Variants in FOXN3 observed in about 807,000 individuals in gnomAD.
The protein encoded by FOXN3 is forkhead box protein N3.
FOXN3 carries 7 observed loss-of-function variants against 38.4 expected under a neutral mutation model. The ratio of observed to expected loss-of-function variants is 0.18; its 90% CI spans 0.10 to 0.34. The LOEUF is 0.34. Among genes scored for constraint, FOXN3 ranks in the 10% least tolerant of loss-of-function variants. FOXN3 has a pLI of 1.00. For missense variants in FOXN3, 456 were observed against 613.4 expected (o/e 0.74, Z 2.71); for synonymous variants, 230 against 242.2 (o/e 0.95, Z 0.47).
chr14:89,434,041 A>G lies in FOXN3; in HGVS notation c.-14-21551T>C, dbSNP rs188891023. 3.4e-4 allele frequency among the ~76,000 whole-genome samples: 50 copies of G among 148,112 alleles called. No homozygotes were observed. The East Asian group carries it at 9.1e-3, about 27-fold the overall frequency. On this transcript the variant is annotated intron_variant, in intron 1 of 6. Transcript: ENST00000345097. ...CAGATTCAAGCAATTCTCCTGTCTCAGCCTCCAGAGTAGCTGGTATTACAG... is the reference window on the plus strand; with the variant it reads ...CAGATTCAAGCAATTCTCCTGTCTCGGCCTCCAGAGTAGCTGGTATTACAG...
At chr14:89,541,332 C>T (rs549923845) in intron 1 of FOXN3, among the ~76,000 whole-genome samples, 197 of 152,228 alleles carry the variant, frequency 1.3e-3, no homozygotes, top group African/African-American at 4.4e-3. Flanking sequence ...CAGGATGAGA[C>T]AGGAGGTCAG....
intron 1 of FOXN3, among the ~76,000 whole-genome samples, chr14:89,618,008 A>G (rs1331525255): frequency 1.3e-5 from 2 of 152,196 alleles, no homozygotes; most frequent in African/African-American, 4.8e-5. Flanking sequence ...GATCAATGAA[A>G]AACAGGGAAC....
At chr14:89,571,374 T>C (rs1313384092) in intron 1 of FOXN3, among the ~76,000 whole-genome samples, 1 of 151,958 alleles carries the variant, frequency 6.6e-6, no homozygotes, top group African/African-American at 2.4e-5. Context: ...CCAAGCGTGG[T>C]AGCAGGCGCC....
intron 1 of FOXN3, among the ~76,000 whole-genome samples, chr14:89,579,749 G>T (rs1275607719): frequency 1.3e-5 from 2 of 151,988 alleles, no homozygotes; most frequent in African/African-American, 4.8e-5. Context: ...CTTACCAAAT[G>T]GTTCAACTAC....
At chr14:89,379,196 C>T (rs1282921064) in intron 2 of FOXN3, among the ~76,000 whole-genome samples, 5 of 152,194 alleles carry the variant, frequency 3.3e-5, no homozygotes, top group Admixed American at 2.6e-4. Context: ...TGTGTCTCCT[C>T]GGTGCCAGCC....
chr14:89,521,668 A>T (rs1894321538), intron 1 of FOXN3, among the ~76,000 whole-genome samples: 1 of 152,212 alleles, frequency 6.6e-6, no homozygotes, highest in African/African-American at 2.4e-5. Flanking sequence ...AACTCAGTAA[A>T]CACCAAGCAA....
intron 3 of FOXN3, among the ~76,000 whole-genome samples, chr14:89,293,335 C>T (rs1445769704): frequency 2.0e-5 from 3 of 152,218 alleles, no homozygotes; most frequent in Non-Finnish European, 2.9e-5. Context: ...GCTGCCATAA[C>T]CAAGTGCCAC....
At chr14:89,248,525 C>A (rs1322296508) in intron 4 of FOXN3, among the ~76,000 whole-genome samples, 4 of 152,202 alleles carry the variant, frequency 2.6e-5, no homozygotes, top group Admixed American at 1.3e-4. Flanking sequence ...AATGTAAAAG[C>A]TGCTGTATTT....
intron 1 of FOXN3, among the ~76,000 whole-genome samples, chr14:89,495,521 G>A (rs909408261): frequency 1.9e-4 from 29 of 152,090 alleles, no homozygotes; most frequent in African/African-American, 6.8e-4. Context: ...AGATGTTAGG[G>A]TCCAGTAGAA....
chr14:89,460,940 A>C (rs1172641544), intron 1 of FOXN3, among the ~76,000 whole-genome samples: 1 of 150,976 alleles, frequency 6.6e-6, no homozygotes, highest in Non-Finnish European at 1.5e-5. Context: ...AGGCAGGAGA[A>C]TCGCTTGAAC....
intron 1 of FOXN3, among the ~76,000 whole-genome samples, chr14:89,570,795 C>A (rs1199556173): frequency 6.6e-6 from 1 of 151,982 alleles, no homozygotes; most frequent in Non-Finnish European, 1.5e-5. Context: ...AGATTGGACA[C>A]CCCTGATCTA....
chr14:89,214,437 G>A (rs989434835), intron 4 of FOXN3, among the ~76,000 whole-genome samples: 10 of 152,134 alleles, frequency 6.6e-5, no homozygotes, highest in South Asian at 2.1e-4. Flanking sequence ...TATTTGCTCC[G>A]CTGCCCCGAC....
At chr14:89,566,582 C>T (rs1356779752) in intron 1 of FOXN3, among the ~76,000 whole-genome samples, 1 of 152,226 alleles carries the variant, frequency 6.6e-6, no homozygotes, top group Non-Finnish European at 1.5e-5. Context: ...GTGGTACTGC[C>T]ATCACTGGCT....
At chr14:89,335,670 T>C (rs1888428813) in intron 3 of FOXN3, among the ~76,000 whole-genome samples, 1 of 152,244 alleles carries the variant, frequency 6.6e-6, no homozygotes, top group African/African-American at 2.4e-5. Context: ...AATAAAAGGA[T>C]GCTAATTATA....
At chr14:89,554,456 T>C (rs1198029034) in intron 1 of FOXN3, among the ~76,000 whole-genome samples, 1 of 152,174 alleles carries the variant, frequency 6.6e-6, no homozygotes, top group East Asian at 1.9e-4. Context: ...ACTTTTATCT[T>C]ATTGGAAGAA....
intron 1 of FOXN3, among the ~76,000 whole-genome samples, chr14:89,502,223 C>T (rs1893816651): frequency 6.6e-6 from 1 of 152,122 alleles, no homozygotes; most frequent in Non-Finnish European, 1.5e-5. Context: ...TAAAGACATA[C>T]AGTCAAAATT....
chr14:89,497,701 C>A (rs1012479357), intron 1 of FOXN3, among the ~76,000 whole-genome samples: 1 of 152,110 alleles, frequency 6.6e-6, no homozygotes, highest in Non-Finnish European at 1.5e-5. Context: ...CCGTGCCCGA[C>A]CTGGATGTAT....
At chr14:89,267,466 G>C (rs1204528293) in intron 4 of FOXN3, among the ~76,000 whole-genome samples, 1 of 152,166 alleles carries the variant, frequency 6.6e-6, no homozygotes, top group Non-Finnish European at 1.5e-5. Flanking sequence ...CTGGCTGGGG[G>C]AGGGGAAATG....
chr14:89,228,453 G>T (rs987681911), intron 4 of FOXN3, among the ~76,000 whole-genome samples: 2 of 152,168 alleles, frequency 1.3e-5, no homozygotes, highest in African/African-American at 4.8e-5. Flanking sequence ...AGAATGGCTT[G>T]CTGGGCCATT....
Sources: gnomAD v4.1 joint callset for allele counts (sites outside exome capture counted in the v4.1 genomes callset) on GRCh38, gnomAD v4.1.1 for gene constraint, MANE v1.5 for transcripts, NCBI Gene and HGNC (gene_info 2026-07-23, HGNC 2026-07-21) for gene names.